Variants in IL1RAPL1 observed in about 807,000 individuals in gnomAD.
The protein encoded by IL1RAPL1 is interleukin 1 receptor accessory protein like 1.
A neutral mutation model predicts 48.4 loss-of-function variants in IL1RAPL1; 3 were observed. The observed-to-expected ratio is 0.06, with a 90% CI of 0.03 to 0.16. IL1RAPL1 has a LOEUF of 0.16. IL1RAPL1 is among the 10% of genes least tolerant of loss of function. The probability of loss-of-function intolerance (pLI) is 1.00; values close to 1 mark genes in which losing one functional copy is unlikely to be tolerated. For synonymous variants in IL1RAPL1, 185 were observed against 187.7 expected (o/e 0.99, Z 0.12); for missense variants, 349 against 530.6 (o/e 0.66, Z 3.36).
At chrX:28,862,055 G>GATTTTCTT (rs1921959399) in intron 2 of IL1RAPL1, among the ~76,000 whole-genome samples, 2 of 111,320 alleles carry the variant, frequency 1.8e-5, no homozygotes, top group Admixed American at 9.5e-5. Context: ...AAATATAAAT[G>GATTTTCTT]CTAAGAAGAA....
intron 2 of IL1RAPL1, among the ~76,000 whole-genome samples, chrX:29,019,818 C>T (rs1243425905): frequency 8.9e-6 from 1 of 112,275 alleles, no homozygotes; most frequent in African/African-American, 3.2e-5. Flanking sequence ...CAGTGATTCT[C>T]ATTCAAGGAG....
At chrX:29,248,991 A>G (rs1931562964) in intron 2 of IL1RAPL1, among the ~76,000 whole-genome samples, 1 of 111,728 alleles carries the variant, frequency 9.0e-6, no homozygotes, top group Admixed American at 9.5e-5. Context: ...ATCTATTAGT[A>G]TGGAAAGAAG....
intron 5 of IL1RAPL1, among the ~76,000 whole-genome samples, chrX:29,435,741 T>C (rs1477753720): frequency 9.0e-6 from 1 of 111,220 alleles, no homozygotes; most frequent in African/African-American, 3.2e-5. Flanking sequence ...AAGTTGAGGC[T>C]CTGACTGTAT....
intron 1 of IL1RAPL1, among the ~76,000 whole-genome samples, chrX:28,613,409 G>A (rs1490110032): frequency 8.9e-6 from 1 of 112,601 alleles, no homozygotes; most frequent in Non-Finnish European, 1.9e-5. Flanking sequence ...TAATCCCCTG[G>A]TGAGTTTTCT....
At chrX:29,325,439 T>A (rs757794508) in intron 3 of IL1RAPL1, among the ~76,000 whole-genome samples, 5 of 112,543 alleles carry the variant, frequency 4.4e-5, no homozygotes, top group Non-Finnish European at 9.4e-5. Flanking sequence ...TTTCTCATAC[T>A]TGTTTTGGAT....
At chrX:29,436,300 G>A (rs1028425353) in intron 5 of IL1RAPL1, among the ~76,000 whole-genome samples, 5 of 109,509 alleles carry the variant, frequency 4.6e-5, no homozygotes, top group African/African-American at 1.6e-4. Context: ...CAAAAATCTT[G>A]TTCAAAATTG....
At chrX:29,002,240 C>T (rs1383099995) in intron 2 of IL1RAPL1, among the ~76,000 whole-genome samples, 1 of 110,979 alleles carries the variant, frequency 9.0e-6, no homozygotes, top group African/African-American at 3.3e-5. Context: ...AACAAAACTA[C>T]ATGCTATAAC....
chrX:28,873,633 G>A (rs957209501), intron 2 of IL1RAPL1, among the ~76,000 whole-genome samples: 4 of 99,142 alleles, frequency 4.0e-5, no homozygotes, highest in Admixed American at 1.2e-4. Flanking sequence ...CGGGGTTCAC[G>A]CCATTCTCCT....
chrX:29,561,976 A>G (rs1922212767), intron 5 of IL1RAPL1, among the ~76,000 whole-genome samples: 1 of 111,405 alleles, frequency 9.0e-6, no homozygotes, highest in South Asian at 3.8e-4. Flanking sequence ...CATAAATCCT[A>G]AGGCAAAACA....
chrX:29,736,717 G>A (rs1040045748), intron 6 of IL1RAPL1, among the ~76,000 whole-genome samples: 1 of 111,792 alleles, frequency 8.9e-6, no homozygotes, highest in East Asian at 2.8e-4. Context: ...CAGAGACTCC[G>A]TCTCAAGAAA....
At chrX:29,021,907 C>T (rs185655415) in intron 2 of IL1RAPL1, among the ~76,000 whole-genome samples, 12 of 111,962 alleles carry the variant, frequency 1.1e-4, no homozygotes, top group Non-Finnish European at 1.9e-4. Context: ...TTGCCTTCAA[C>T]GCTCACTACA....
chrX:28,987,639 C>T (rs891897446), intron 2 of IL1RAPL1, among the ~76,000 whole-genome samples: 2 of 111,866 alleles, frequency 1.8e-5, no homozygotes, highest in Non-Finnish European at 3.8e-5. Flanking sequence ...AGATACGCCA[C>T]ACCTATCCTC....
At chrX:28,688,494 G>A (rs1935139851) in intron 1 of IL1RAPL1, among the ~76,000 whole-genome samples, 1 of 112,057 alleles carries the variant, frequency 8.9e-6, no homozygotes, top group Non-Finnish European at 1.9e-5. Flanking sequence ...ATAGGCATGA[G>A]CCACTGTGCC....
chrX:29,129,838 C>T (rs1928983706), intron 2 of IL1RAPL1, among the ~76,000 whole-genome samples: 1 of 110,448 alleles, frequency 9.1e-6, no homozygotes, highest in Admixed American at 9.7e-5. Flanking sequence ...TCATGATCCG[C>T]CCGCCTCGGC....
intron 1 of IL1RAPL1, among the ~76,000 whole-genome samples, chrX:28,765,230 C>T (rs1363727262): frequency 1.8e-5 from 2 of 109,805 alleles, no homozygotes; most frequent in African/African-American, 6.6e-5. Context: ...TGCAGCACAC[C>T]AACATGGCAC....
chrX:28,763,536 G>A (rs1936200424), intron 1 of IL1RAPL1, among the ~76,000 whole-genome samples: 1 of 111,523 alleles, frequency 9.0e-6, no homozygotes, highest in African/African-American at 3.3e-5. Flanking sequence ...GAAATACAGG[G>A]TAGAGAAATT....
intron 6 of IL1RAPL1, among the ~76,000 whole-genome samples, chrX:29,731,180 C>T (rs1159658521): frequency 8.9e-6 from 1 of 111,744 alleles, no homozygotes; most frequent in Non-Finnish European, 1.9e-5. Context: ...TTTTGGCCAA[C>T]GAATTAAAGG....
intron 5 of IL1RAPL1, among the ~76,000 whole-genome samples, chrX:29,418,852 A>G (rs1207855417): frequency 8.9e-6 from 1 of 112,076 alleles, no homozygotes; most frequent in East Asian, 2.8e-4. Context: ...TTTTATGTTA[A>G]TCTAATTTGT....
intron 5 of IL1RAPL1, among the ~76,000 whole-genome samples, chrX:29,531,705 A>T (rs771191758): frequency 8.9e-6 from 1 of 112,329 alleles, no homozygotes; most frequent in South Asian, 3.8e-4. Context: ...GTGTTGGCAC[A>T]GCCATGCTCT....
Sources: allele counts gnomAD v4.1 joint callset (sites outside exome capture counted in the v4.1 genomes callset), GRCh38; gene constraint gnomAD v4.1.1; transcripts MANE v1.5; gene names NCBI Gene and HGNC (gene_info 2026-07-23, HGNC 2026-07-21).